Variants in LRRC4C observed in about 807,000 individuals in gnomAD.
LRRC4C encodes the protein leucine-rich repeat-containing protein 4C.
Under a neutral mutation model 33.6 loss-of-function variants are expected in LRRC4C, and 5 were observed. The ratio of observed to expected loss-of-function variants is 0.15; its 90% CI spans 0.08 to 0.31. The LOEUF (loss-of-function observed/expected upper bound fraction) is 0.31. Ranked by LOEUF, LRRC4C falls within the 10% of genes least tolerant of loss-of-function variation. The pLI is 1.00. For missense variants in LRRC4C, 560 were observed against 796.7 expected (o/e 0.70, Z 3.58); for synonymous variants, 329 against 302.0 (o/e 1.09, Z -0.93).
chr11:41,189,329 T>C (rs1384963349), intron 1 of LRRC4C, among the ~76,000 whole-genome samples: 1 of 152,084 alleles, frequency 6.6e-6, no homozygotes, highest in Non-Finnish European at 1.5e-5. Context: ...AGACAAGACG[T>C]TTCCTGGCTG....
rs183661964 is a variant in LRRC4C at position 40,855,795 on chromosome 11, T to A, written c.-407+77840A>T. ...GAACTTCTTTAAATGTCTTTTTTTTTATAAACTTAACTTAAAGGTACAGAA... is the reference window on the plus strand; with the variant it reads ...GAACTTCTTTAAATGTCTTTTTTTTAATAAACTTAACTTAAAGGTACAGAA... On this transcript the variant is annotated intron_variant, in intron 2 of 6. Coordinates refer to ENST00000528697, the MANE Select transcript of LRRC4C (RefSeq NM_001258419.2). 4.1e-4 allele frequency among the ~76,000 whole-genome samples: 63 copies of A among 152,238 alleles called. No homozygotes were observed. The East Asian group carries it at 5.8e-3, about 14-fold the overall frequency.
chr11:40,679,309 G>T (rs1195839473), intron 2 of LRRC4C, among the ~76,000 whole-genome samples: 4 of 152,078 alleles, frequency 2.6e-5, no homozygotes, highest in African/African-American at 4.8e-5. Flanking sequence ...TGGAAAATTT[G>T]CAGCCTGACA....
intron 3 of LRRC4C, among the ~76,000 whole-genome samples, chr11:40,595,214 A>C (rs1249701260): frequency 6.6e-6 from 1 of 151,854 alleles, no homozygotes; most frequent in East Asian, 1.9e-4. Context: ...AAATTTTACA[A>C]ATTCAAAACC....
At chr11:40,742,321 A>C (rs1948197108) in intron 2 of LRRC4C, among the ~76,000 whole-genome samples, 1 of 152,038 alleles carries the variant, frequency 6.6e-6, no homozygotes, top group African/African-American at 2.4e-5. Flanking sequence ...AGGGATACAA[A>C]ACATGGCAGA....
chr11:40,553,913 TTC>T (rs1478940551), intron 3 of LRRC4C, among the ~76,000 whole-genome samples: 4,058 of 152,246 alleles, frequency 0.027, 170 homozygotes, highest in African/African-American at 0.093. Flanking sequence ...TGTTGATAGT[TTC>T]TTTTTTGTGT....
At chr11:40,315,978 G>A (rs77961755) in intron 4 of LRRC4C, among the ~76,000 whole-genome samples, 4,402 of 152,078 alleles carry the variant, frequency 0.029, 102 homozygotes, top group Middle Eastern at 0.054. Flanking sequence ...AACCAGGACC[G>A]AATCATGGGA....
intron 2 of LRRC4C, among the ~76,000 whole-genome samples, chr11:40,713,411 T>A (rs1946559294): frequency 6.6e-6 from 1 of 152,162 alleles, no homozygotes; most frequent in Non-Finnish European, 1.5e-5. Flanking sequence ...TCTTACATAT[T>A]CACTGGACAG....
chr11:40,484,145 G>A (rs950702855), intron 3 of LRRC4C, among the ~76,000 whole-genome samples: 2 of 151,992 alleles, frequency 1.3e-5, no homozygotes, highest in Admixed American at 6.6e-5. Flanking sequence ...TCTAGTGTTC[G>A]CAAATGTTTT....
chr11:41,393,643 G>A (rs946258054), intron 1 of LRRC4C, among the ~76,000 whole-genome samples: 2 of 151,876 alleles, frequency 1.3e-5, no homozygotes, highest in Non-Finnish European at 2.9e-5. Flanking sequence ...TACAGTTTCT[G>A]TATACCTTAT....
At chr11:40,668,841 A>G (rs559021670) in intron 2 of LRRC4C, among the ~76,000 whole-genome samples, 1 of 152,330 alleles carries the variant, frequency 6.6e-6, no homozygotes, top group African/African-American at 2.4e-5. Context: ...GGAGAAAGAC[A>G]GTAGAAACCA....
At chr11:40,532,697 A>AGG (rs1956318120) in intron 3 of LRRC4C, among the ~76,000 whole-genome samples, 1 of 136,488 alleles carries the variant, frequency 7.3e-6, no homozygotes, top group African/African-American at 3.6e-5. Flanking sequence ...ACAACATAGA[A>AGG]GTGGGGGAGG....
At chr11:41,235,064 A>AT (rs1947959222) in intron 1 of LRRC4C, among the ~76,000 whole-genome samples, 1 of 152,018 alleles carries the variant, frequency 6.6e-6, no homozygotes, top group Non-Finnish European at 1.5e-5. Flanking sequence ...AAACATGTGG[A>AT]TAAAAAAAAG....
At chr11:40,264,941 C>T (rs1025371649) in intron 4 of LRRC4C, among the ~76,000 whole-genome samples, 3 of 152,116 alleles carry the variant, frequency 2.0e-5, no homozygotes, top group African/African-American at 7.2e-5. Flanking sequence ...AATACACTGT[C>T]CAGTATTGCT....
chr11:41,424,042 G>A (rs537524535), intron 1 of LRRC4C: 1 of 152,148 alleles, frequency 6.6e-6, no homozygotes, highest in South Asian at 2.1e-4. Flanking sequence ...TTTATCAGCA[G>A]TGTCAAACCA....
intron 5 of LRRC4C, among the ~76,000 whole-genome samples, chr11:40,160,074 C>T (rs1859028772): frequency 6.6e-6 from 1 of 152,102 alleles, no homozygotes; most frequent in Admixed American, 6.5e-5. Context: ...GTGGATAGTA[C>T]ACTGGAAAGG....
intron 1 of LRRC4C, among the ~76,000 whole-genome samples, chr11:41,256,892 T>A (rs1290613898): frequency 6.6e-6 from 1 of 152,068 alleles, no homozygotes; most frequent in Non-Finnish European, 1.5e-5. Flanking sequence ...ACATTATATA[T>A]AAAGCTCCAG....
chr11:40,288,438 T>A (rs1590918566), intron 4 of LRRC4C, among the ~76,000 whole-genome samples: 1 of 152,322 alleles, frequency 6.6e-6, no homozygotes, highest in Non-Finnish European at 1.5e-5. Context: ...CTAACTGTAC[T>A]ATTATCATCC....
At chr11:40,494,915 T>C (rs1256371224) in intron 3 of LRRC4C, among the ~76,000 whole-genome samples, 1 of 152,206 alleles carries the variant, frequency 6.6e-6, no homozygotes, top group Non-Finnish European at 1.5e-5. Flanking sequence ...CTAAATGTTG[T>C]TAGGTTTTAA....
intron 1 of LRRC4C, among the ~76,000 whole-genome samples, chr11:41,110,589 G>T (rs1006711833): frequency 6.6e-6 from 1 of 152,052 alleles, no homozygotes; most frequent in Non-Finnish European, 1.5e-5. Context: ...ACATGTGGTG[G>T]TGAGTACCTT....
Sources: allele counts gnomAD v4.1 joint callset (sites outside exome capture counted in the v4.1 genomes callset), GRCh38; gene constraint gnomAD v4.1.1; transcripts MANE v1.5; gene names NCBI Gene and HGNC (gene_info 2026-07-23, HGNC 2026-07-21).